The following HS3ST4 variants were observed in gnomAD, a reference collection of about 807,000 sequenced individuals.
The protein encoded by HS3ST4 is heparan sulfate glucosamine 3-O-sulfotransferase 4.
Under a neutral mutation model 29.2 loss-of-function variants are expected in HS3ST4, and 17 were observed. The observed-to-expected ratio is 0.58, with a 90% CI of 0.40 to 0.87. HS3ST4 has a LOEUF of 0.87. Among genes scored for constraint, HS3ST4 ranks in the 40% least tolerant of loss-of-function variants. The pLI is 0.00. For missense variants in HS3ST4, 627 were observed against 634.5 expected (o/e 0.99, Z 0.13); for synonymous variants, 314 against 285.7 (o/e 1.10, Z -1.00).
chr16:26,022,381 A>G (rs755471570), intron 1 of HS3ST4, among the ~76,000 whole-genome samples: 1 of 152,302 alleles, frequency 6.6e-6, no homozygotes, highest in African/African-American at 2.4e-5. Context: ...TTCACTCTTC[A>G]TCTGCAATTA....
intron 1 of HS3ST4, among the ~76,000 whole-genome samples, chr16:25,930,880 A>G (rs549699352): frequency 6.4e-4 from 97 of 152,252 alleles, no homozygotes; most frequent in African/African-American, 2.2e-3. Context: ...TCCAATGACC[A>G]TGAGTTTTTC....
chr16:25,938,027 G>A (rs1968533996), intron 1 of HS3ST4, among the ~76,000 whole-genome samples: 1 of 152,106 alleles, frequency 6.6e-6, no homozygotes, highest in South Asian at 2.1e-4. Context: ...AGAAATCTTT[G>A]GGTTCAGCAG....
In HS3ST4 at chr16:25,866,047, G is replaced by C. The variant is rs550295616; in HGVS notation, c.734+172896G>C. Among the ~76,000 whole-genome samples, 4 of 152,334 alleles carry C rather than the reference G, an allele frequency of 2.6e-5. No homozygotes were observed. The South Asian group carries it at 8.3e-4, about 32-fold the overall frequency. On this transcript the variant is annotated intron_variant, in intron 1 of 1. Transcript: ENST00000331351. Reference sequence around the variant, plus strand: ...AGTGAGGAAACAACCTTTGGAATGAGAGAAGCTATTTGCAAACTATCCATT... The same window carrying C: ...AGTGAGGAAACAACCTTTGGAATGACAGAAGCTATTTGCAAACTATCCATT...
At chr16:25,983,726 A>G (rs1400944701) in intron 1 of HS3ST4, among the ~76,000 whole-genome samples, 3 of 152,186 alleles carry the variant, frequency 2.0e-5, no homozygotes, top group Non-Finnish European at 2.9e-5. Flanking sequence ...AATGAATGAA[A>G]GTGTGAAGTG....
At chr16:26,072,918 T>C (rs777408535) in intron 1 of HS3ST4, among the ~76,000 whole-genome samples, 3 of 152,236 alleles carry the variant, frequency 2.0e-5, no homozygotes, top group Non-Finnish European at 2.9e-5. Flanking sequence ...TTGTTCATTG[T>C]AGTAGAAAAG....
chr16:26,067,626 C>G (rs1356047991), intron 1 of HS3ST4, among the ~76,000 whole-genome samples: 3 of 152,060 alleles, frequency 2.0e-5, no homozygotes, highest in African/African-American at 7.3e-5. Flanking sequence ...GCTGATGGCA[C>G]TAACTAATAA....
chr16:25,826,303 C>T (rs1318614431), intron 1 of HS3ST4: 1 of 152,184 alleles, frequency 6.6e-6, no homozygotes, highest in Non-Finnish European at 1.5e-5. Context: ...GGTGTCTGTT[C>T]CTCATAAACT....
At chr16:26,028,201 A>G (rs1487767080) in intron 1 of HS3ST4, among the ~76,000 whole-genome samples, 1 of 149,834 alleles carries the variant, frequency 6.7e-6, no homozygotes, top group Non-Finnish European at 1.5e-5. Context: ...TGAACGTGGG[A>G]AGCAGAGGTT....
intron 1 of HS3ST4, among the ~76,000 whole-genome samples, chr16:25,759,559 T>C (rs1470473049): frequency 1.3e-5 from 2 of 151,284 alleles, no homozygotes; most frequent in Admixed American, 6.6e-5. Flanking sequence ...GAGGTCCGAG[T>C]TGTGACTGTT....
At chr16:25,899,929 A>G (rs1278839785) in intron 1 of HS3ST4, among the ~76,000 whole-genome samples, 2 of 152,236 alleles carry the variant, frequency 1.3e-5, no homozygotes, top group African/African-American at 4.8e-5. Context: ...AATAGAAAGG[A>G]GCACACATCC....
At chr16:25,953,937 G>A (rs1289007806) in intron 1 of HS3ST4, among the ~76,000 whole-genome samples, 2 of 152,170 alleles carry the variant, frequency 1.3e-5, no homozygotes, top group Non-Finnish European at 2.9e-5. Flanking sequence ...TCCTGCGGGT[G>A]CTACCTCTCT....
chr16:25,960,329 G>C (rs960115232), intron 1 of HS3ST4, among the ~76,000 whole-genome samples: 24 of 152,008 alleles, frequency 1.6e-4, no homozygotes, highest in Admixed American at 1.4e-3. Context: ...TTCTTTATAA[G>C]TTACCCAGCC....
intron 1 of HS3ST4, among the ~76,000 whole-genome samples, chr16:26,084,669 C>T (rs1898763622): frequency 6.6e-6 from 1 of 152,050 alleles, no homozygotes; most frequent in South Asian, 2.1e-4. Context: ...AGTACAGTAG[C>T]ATGATCATAG....
chr16:25,946,511 C>A (rs532581168), intron 1 of HS3ST4, among the ~76,000 whole-genome samples: 9 of 152,312 alleles, frequency 5.9e-5, no homozygotes, highest in African/African-American at 1.4e-4. Flanking sequence ...CCACAGCATT[C>A]TTTCACTCCA....
intron 1 of HS3ST4, among the ~76,000 whole-genome samples, chr16:25,855,582 C>G (rs1967567072): frequency 6.6e-6 from 1 of 152,106 alleles, no homozygotes; most frequent in Admixed American, 6.6e-5. Flanking sequence ...TTTTGTCAGT[C>G]TTATAATCAC....
At chr16:26,078,695 A>C (rs1320620949) in intron 1 of HS3ST4, among the ~76,000 whole-genome samples, 1 of 152,242 alleles carries the variant, frequency 6.6e-6, no homozygotes, top group Admixed American at 6.5e-5. Flanking sequence ...AGATTATAAG[A>C]CATTAAATCT....
chr16:26,001,657 G>A (rs916339461), intron 1 of HS3ST4, among the ~76,000 whole-genome samples: 3 of 152,128 alleles, frequency 2.0e-5, no homozygotes, highest in African/African-American at 7.2e-5. Flanking sequence ...TATCCTGTTA[G>A]CAGAGATTTC....
chr16:25,809,042 G>A (rs1204498486), intron 1 of HS3ST4, among the ~76,000 whole-genome samples: 1 of 152,112 alleles, frequency 6.6e-6, no homozygotes, highest in Non-Finnish European at 1.5e-5. Context: ...TCTGCAAACA[G>A]GGCTAATTTT....
chr16:25,955,756 G>T (rs1042019466), intron 1 of HS3ST4, among the ~76,000 whole-genome samples: 21 of 151,708 alleles, frequency 1.4e-4, no homozygotes, highest in Non-Finnish European at 2.5e-4. Flanking sequence ...GTAAGACATG[G>T]TTCTGTAGCT....
Sources: gnomAD v4.1 joint callset for allele counts (sites outside exome capture counted in the v4.1 genomes callset) on GRCh38, gnomAD v4.1.1 for gene constraint, MANE v1.5 for transcripts, NCBI Gene and HGNC (gene_info 2026-07-23, HGNC 2026-07-21) for gene names.